PTPRD: variants seen among roughly 807,000 people sequenced by gnomAD.
PTPRD encodes the protein protein tyrosine phosphatase receptor type D, also known as receptor-type tyrosine-protein phosphatase delta.
In PTPRD, 34 loss-of-function variants were observed where a neutral mutation model predicts 214.5. That is an observed-to-expected ratio of 0.16 (90% confidence interval 0.12 to 0.21). The LOEUF is 0.21. Ranked by LOEUF, PTPRD falls within the 10% of genes least tolerant of loss-of-function variation. The probability of loss-of-function intolerance (pLI) is 1.00; values close to 1 mark genes in which losing one functional copy is unlikely to be tolerated. For missense variants in PTPRD, 2,545 were observed against 2,398.7 expected (o/e 1.06, Z -1.27); for synonymous variants, 1,128 against 845.7 (o/e 1.33, Z -5.79).
At chr9:8,347,524 G>A (rs1263164145) in intron 39 of PTPRD, among the ~76,000 whole-genome samples, 3 of 152,162 alleles carry the variant, frequency 2.0e-5, no homozygotes, top group African/African-American at 7.2e-5. Context: ...GCGGCGCTGT[G>A]AGGCAAATGT....
intron 9 of PTPRD, among the ~76,000 whole-genome samples, chr9:9,299,996 T>C (rs1382138399): frequency 7.2e-6 from 1 of 138,740 alleles, no homozygotes; most frequent in East Asian, 2.1e-4. Context: ...GTTCAAATTG[T>C]AAAAAAGTTT....
chr9:8,733,696 T>C (rs2098686119), intron 12 of PTPRD, 84 bp downstream of exon 12: 1 of 1,359,720 alleles, frequency 7.4e-7, no homozygotes, highest in South Asian at 1.3e-5. Flanking sequence ...GGAAATGTAT[T>C]CAGAGGCCCT....
intron 2 of PTPRD, among the ~76,000 whole-genome samples, chr9:10,522,644 A>G (rs1438613004): frequency 6.6e-6 from 1 of 152,036 alleles, no homozygotes; most frequent in Non-Finnish European, 1.5e-5. Context: ...ACCTACTGGG[A>G]AGGGTAGACT....
intron 30 of PTPRD, among the ~76,000 whole-genome samples, chr9:8,480,276 C>T (rs561226961): frequency 1.3e-5 from 2 of 152,296 alleles, no homozygotes; most frequent in Non-Finnish European, 1.5e-5. Flanking sequence ...GCTGTCTCTC[C>T]ACTCCCACTC....
chr9:9,165,780 C>A (rs2099902275), intron 10 of PTPRD, among the ~76,000 whole-genome samples: 1 of 152,050 alleles, frequency 6.6e-6, no homozygotes, highest in African/African-American at 2.4e-5. Flanking sequence ...TAAAGGATGT[C>A]TTCTTGATCT....
intron 2 of PTPRD, among the ~76,000 whole-genome samples, chr9:10,428,972 G>C (rs678085): frequency 0.026 from 3,905 of 151,980 alleles, 154 homozygotes; most frequent in African/African-American, 0.088. Flanking sequence ...AGTACCTGTC[G>C]CATAGGGTTG....
chr9:10,505,667 G>GA lies in PTPRD; in HGVS notation c.-600+106730dup, dbSNP rs1284916333. ...CCACATCTTTCTCCACATCTTTCTT[G>GA]AACAGCAACAACAAAAAGTTAAAAA... is the stretch of plus-strand genomic sequence containing the variant. On this transcript the variant is annotated intron_variant, in intron 2 of 45. Transcript: ENST00000381196. 4.7e-5 allele frequency among the ~76,000 whole-genome samples: 7 copies of GA among 148,134 alleles called. No homozygotes were observed. In the East Asian group the frequency reaches 1.4e-3, roughly 30 times the overall value.
At chr9:10,581,518 CA>C (rs1281294273) in intron 2 of PTPRD, among the ~76,000 whole-genome samples, 2 of 152,124 alleles carry the variant, frequency 1.3e-5, no homozygotes, top group Non-Finnish European at 2.9e-5. Flanking sequence ...AGGTAATATT[CA>C]AAGAGTGATG....
chr9:8,575,058 G>C (rs1940192333), intron 14 of PTPRD, among the ~76,000 whole-genome samples: 1 of 152,020 alleles, frequency 6.6e-6, no homozygotes, highest in African/African-American at 2.4e-5. Flanking sequence ...CACTTCATCA[G>C]AGGGTTTACA....
At chr9:8,557,120 G>A (rs1351611774) in intron 14 of PTPRD, among the ~76,000 whole-genome samples, 1 of 152,126 alleles carries the variant, frequency 6.6e-6, no homozygotes, top group African/African-American at 2.4e-5. Context: ...CACAGTGGAA[G>A]GGAGGCAGAC....
intron 3 of PTPRD, among the ~76,000 whole-genome samples, chr9:10,212,077 C>G (rs1483086137): frequency 1.3e-5 from 2 of 152,034 alleles, no homozygotes; most frequent in Non-Finnish European, 2.9e-5. Flanking sequence ...GTGGAATGAC[C>G]TTTCCAATTC....
At chr9:8,325,163 G>A in intron 44 of PTPRD, among the ~76,000 whole-genome samples, 1 of 149,904 alleles carries the variant, frequency 6.7e-6, no homozygotes, top group South Asian at 2.1e-4. Flanking sequence ...TAGTCCTGAA[G>A]TCTTTGTGTA....
chr9:8,686,906 TC>T (rs751663934), intron 12 of PTPRD, among the ~76,000 whole-genome samples: 1 of 152,276 alleles, frequency 6.6e-6, no homozygotes, highest in South Asian at 2.1e-4. Flanking sequence ...CAAAAGTAGA[TC>T]AACCAGACCA....
At chr9:10,052,409 T>C (rs550367114) in intron 3 of PTPRD, among the ~76,000 whole-genome samples, 11 of 152,156 alleles carry the variant, frequency 7.2e-5, no homozygotes, top group Non-Finnish European at 1.5e-4. Context: ...AATTGTGTCA[T>C]TCCCCACCTT....
chr9:9,588,711 T>A (rs1469673245), intron 7 of PTPRD, among the ~76,000 whole-genome samples: 3 of 151,980 alleles, frequency 2.0e-5, no homozygotes, highest in African/African-American at 7.2e-5. Flanking sequence ...GAATTGTTAA[T>A]TAGAGAAAAA....
chr9:10,273,158 A>G (rs7861197), intron 3 of PTPRD, among the ~76,000 whole-genome samples: 3,873 of 152,266 alleles, frequency 0.025, 165 homozygotes, highest in African/African-American at 0.089. Context: ...ACATAATCCC[A>G]CAAGGGAATA....
At chr9:8,800,697 T>C (rs1441320493) in intron 11 of PTPRD, among the ~76,000 whole-genome samples, 1 of 152,222 alleles carries the variant, frequency 6.6e-6, no homozygotes, top group Non-Finnish European at 1.5e-5. Flanking sequence ...GGCTGCTCTG[T>C]CTATGGAGTA....
rs59767117 is a variant in PTPRD at position 8,908,324 on chromosome 9, C to T, written c.-104+110373G>A. ...ATTTCATCAGGCTGAAAGAAAATGACATTAATGAGTAGCTAAAATTCACAG... is the reference window on the plus strand; with the variant it reads ...ATTTCATCAGGCTGAAAGAAAATGATATTAATGAGTAGCTAAAATTCACAG... On this transcript the variant is annotated intron_variant, in intron 11 of 45. Transcript: ENST00000381196. 7.8e-3 allele frequency among the ~76,000 whole-genome samples: 1,186 copies of T among 152,164 alleles called. 41 individuals carry two copies. In the South Asian group the frequency reaches 0.12, roughly 15 times the overall value.
At chr9:9,332,397 T>G (rs1018140834) in intron 9 of PTPRD, among the ~76,000 whole-genome samples, 5 of 151,990 alleles carry the variant, frequency 3.3e-5, no homozygotes, top group African/African-American at 1.2e-4. Flanking sequence ...TATATTCCAT[T>G]TTGTCTAGTT....
Sources: allele counts gnomAD v4.1 joint callset (sites outside exome capture counted in the v4.1 genomes callset), GRCh38; gene constraint gnomAD v4.1.1; transcripts MANE v1.5; gene names NCBI Gene and HGNC (gene_info 2026-07-23, HGNC 2026-07-21).